Variants in USH2A observed in about 807,000 individuals in gnomAD.
USH2A encodes the protein Usher syndrome 2A (autosomal recessive, mild).
Under a neutral mutation model 538.9 loss-of-function variants are expected in USH2A, and 443 were observed. The ratio of observed to expected loss-of-function variants is 0.82; its 90% CI spans 0.76 to 0.89. The LOEUF (loss-of-function observed/expected upper bound fraction) is 0.89, where lower values mean the gene tolerates loss of function less well. Ranked by LOEUF, USH2A falls within the 40% of genes least tolerant of loss-of-function variation. The probability of loss-of-function intolerance (pLI) is 0.00; values close to 1 mark genes in which losing one functional copy is unlikely to be tolerated. For missense variants in USH2A, 6,633 were observed against 6,324.8 expected (o/e 1.05, Z -1.65); for synonymous variants, 2,413 against 2,273.5 (o/e 1.06, Z -1.75).
intron 2 of USH2A, among the ~76,000 whole-genome samples, chr1:216,420,893 T>C (rs2039665097): frequency 2.0e-5 from 3 of 152,168 alleles, no homozygotes; most frequent in African/African-American, 7.2e-5. Context: ...CAAAAACATT[T>C]AAGTCCTATT....
chr1:216,281,227 A>T (rs1165718580), intron 11 of USH2A, among the ~76,000 whole-genome samples: 1 of 152,154 alleles, frequency 6.6e-6, no homozygotes, highest in Non-Finnish European at 1.5e-5. Context: ...GTCAGAAAAC[A>T]GTTCTATCAT....
intron 60 of USH2A, among the ~76,000 whole-genome samples, chr1:215,740,527 C>T (rs982933754): frequency 6.6e-6 from 1 of 152,142 alleles, no homozygotes; most frequent in Non-Finnish European, 1.5e-5. Context: ...AGTGGAGGCT[C>T]ATTAAAACAG....
intron 3 of USH2A, among the ~76,000 whole-genome samples, chr1:216,375,593 C>A (rs1287831194): frequency 6.6e-6 from 1 of 152,178 alleles, no homozygotes; most frequent in Non-Finnish European, 1.5e-5. Context: ...ATCCAGACCA[C>A]TCAAATTTTC....
intron 37 of USH2A, among the ~76,000 whole-genome samples, chr1:215,949,428 C>G (rs1441458189): frequency 6.6e-6 from 1 of 151,934 alleles, no homozygotes; most frequent in Non-Finnish European, 1.5e-5. Flanking sequence ...TAATGTTCAA[C>G]TGGAAGAATA....
rs112153911 is a variant in USH2A at position 215,693,116 on chromosome 1, G to GTGTATA, written c.12067-12741_12067-12740insTATACA. ...TATGTGTGTGTGTGTGTGTGTATGTGTATATATATATATATATACACACAC... is the reference window on the plus strand; with the variant it reads ...TATGTGTGTGTGTGTGTGTGTATGTGTGTATATATATATATATATATATACACACAC... On this transcript the variant is annotated intron_variant, in intron 61 of 71. Coordinates refer to ENST00000307340, the MANE Select transcript of USH2A (RefSeq NM_206933.4). Among the ~76,000 whole-genome samples the GTGTATA allele has an allele frequency of 1.1e-4, 15 of 133,550 alleles. No individual in the cohort carries two copies. The East Asian group carries it at 2.6e-3, about 23-fold the overall frequency. 87.6% of individuals were successfully genotyped at this position (133,550 alleles called of 152,430 possible).
intron 61 of USH2A, among the ~76,000 whole-genome samples, chr1:215,704,932 GA>G (rs1445020789): frequency 6.6e-6 from 1 of 152,134 alleles, no homozygotes; most frequent in Non-Finnish European, 1.5e-5. Flanking sequence ...TGAACTCTTA[GA>G]GGACAGGGAC....
chr1:215,698,914 A>T (rs1390951715), intron 61 of USH2A, among the ~76,000 whole-genome samples: 1 of 152,158 alleles, frequency 6.6e-6, no homozygotes, highest in African/African-American at 2.4e-5. Flanking sequence ...TATGTCCTGA[A>T]TGGTATTGCC....
intron 11 of USH2A, among the ~76,000 whole-genome samples, chr1:216,263,185 T>G (rs1319519094): frequency 6.6e-6 from 1 of 152,122 alleles, no homozygotes; most frequent in East Asian, 1.9e-4. Flanking sequence ...ACTGCTGAAA[T>G]CTACCAAACT....
rs779707651 is a variant in USH2A at position 215,675,228 on chromosome 1, G to A, written c.12683C>T (p.Thr4228Ile). The change falls in exon 63 of 72, where the codon ACA becomes ATA. Residue 4228 changes from threonine to isoleucine, a missense_variant. Transcript: ENST00000307340. ...ACACTGCGTCCATGGTTGCAAACCT[G>A]TGTCATTATACATAAATGTATTCCT... Reference protein sequence around the residue: ...TERNTFMYNDTGLQPWTQCEY... With the variant: ...TERNTFMYNDIGLQPWTQCEY... 1.3e-5 allele frequency: 21 copies of A among 1,614,156 alleles called. No homozygotes were observed. The Middle Eastern group carries it at 1.3e-3, about 101-fold the overall frequency.
intron 51 of USH2A, among the ~76,000 whole-genome samples, chr1:215,788,330 T>C (rs1319498060): frequency 2.6e-5 from 4 of 152,126 alleles, no homozygotes; most frequent in Admixed American, 6.5e-5. Flanking sequence ...TCTGTGTGAC[T>C]AGTGCATAGA....
chr1:216,258,167 T>G (rs1215000159), intron 11 of USH2A, among the ~76,000 whole-genome samples: 1 of 152,108 alleles, frequency 6.6e-6, no homozygotes, highest in Non-Finnish European at 1.5e-5. Flanking sequence ...TATATTTGTG[T>G]TTTGTTCTTG....
intron 32 of USH2A, among the ~76,000 whole-genome samples, chr1:216,015,705 C>T (rs1443654874): frequency 6.6e-6 from 1 of 152,174 alleles, no homozygotes; most frequent in Non-Finnish European, 1.5e-5. Flanking sequence ...TTAATGATCG[C>T]CATGCTAACT....
intron 4 of USH2A, among the ~76,000 whole-genome samples, chr1:216,330,057 A>G (rs112691477): frequency 0.013 from 1,927 of 152,198 alleles, 47 homozygotes; most frequent in African/African-American, 0.045. Flanking sequence ...AAGACTTACC[A>G]TAACTGAAAG....
At position 215,846,142 on chromosome 1, in the gene USH2A, C is replaced by T. The variant is rs1571743066; in HGVS notation, c.8846-109G>A. 16 of 1,068,344 alleles carry T rather than the reference C, an allele frequency of 1.5e-5. No homozygotes were observed. The East Asian group carries it at 3.6e-4, about 24-fold the overall frequency. The allele number at this position is 1,068,344 out of a possible 1,614,324, so 66.2% of individuals were successfully genotyped here. On this transcript the variant is annotated intron_variant, in intron 44 of 71. Transcript: ENST00000307340. ...TGAGAAAAAAAGAAGTTTAGAGAGC[C>T]TTTGTTTTGGAAATGTTAAAAAAAG...
intron 70 of USH2A, among the ~76,000 whole-genome samples, chr1:215,633,036 A>T (rs1166655067): frequency 6.6e-6 from 1 of 152,184 alleles, no homozygotes; most frequent in Non-Finnish European, 1.5e-5. Context: ...CTATTTCAGG[A>T]GTCAGACAAA....
At chr1:216,361,748 C>T (rs2038494763) in intron 4 of USH2A, among the ~76,000 whole-genome samples, 1 of 152,162 alleles carries the variant, frequency 6.6e-6, no homozygotes, top group Non-Finnish European at 1.5e-5. Context: ...CAACTGAAAT[C>T]CTCAAATGTT....
At chr1:216,309,149 G>A (rs2037374729) in intron 9 of USH2A, among the ~76,000 whole-genome samples, 1 of 152,154 alleles carries the variant, frequency 6.6e-6, no homozygotes, top group Non-Finnish European at 1.5e-5. Context: ...AAACTGGTAG[G>A]TAGGAATTAT....
At chr1:215,992,902 T>C in intron 35 of USH2A, 118 bp downstream of exon 35, 1 of 1,478,214 alleles carries the variant, frequency 6.8e-7, no homozygotes, top group South Asian at 1.2e-5. Context: ...CTATCTTAGG[T>C]ATTTTATGTG....
chr1:216,182,110 C>T (rs2034505569), intron 20 of USH2A, among the ~76,000 whole-genome samples: 2 of 151,902 alleles, frequency 1.3e-5, no homozygotes, highest in African/African-American at 4.8e-5. Flanking sequence ...TTATATATGT[C>T]CATGTGGGAG....
Sources: allele counts gnomAD v4.1 joint callset (sites outside exome capture counted in the v4.1 genomes callset), GRCh38; gene constraint gnomAD v4.1.1; transcripts MANE v1.5; gene names NCBI Gene and HGNC (gene_info 2026-07-23, HGNC 2026-07-21).